The following PCDHGB4 variants were observed in gnomAD, a reference collection of about 807,000 sequenced individuals.
PCDHGB4 encodes protocadherin gamma-B4.
In PCDHGB4, 38 loss-of-function variants were observed where a neutral mutation model predicts 60.5. The ratio of observed to expected loss-of-function variants is 0.63; its 90% CI spans 0.48 to 0.82. The LOEUF (loss-of-function observed/expected upper bound fraction) is 0.82, where lower values mean the gene tolerates loss of function less well. Among genes scored for constraint, PCDHGB4 ranks in the 40% least tolerant of loss-of-function variants. The pLI, the probability that PCDHGB4 is intolerant of heterozygous loss-of-function variation, is 0.00. For missense variants in PCDHGB4, 1,109 were observed against 1,209.6 expected (o/e 0.92, Z 1.23); for synonymous variants, 456 against 509.7 (o/e 0.89, Z 1.42).
chr5:141,400,050 T>C (rs2093950243), intron 1 of PCDHGB4: 2 of 1,613,616 alleles, frequency 1.2e-6, no homozygotes, highest in Non-Finnish European at 1.7e-6. Flanking sequence ...TGCTGGTTGC[T>C]GTGCGTGATG....
intron 1 of PCDHGB4, chr5:141,399,868 G>A (rs1410554488): frequency 6.2e-7 from 1 of 1,612,710 alleles, no homozygotes; most frequent in African/African-American, 1.3e-5. Flanking sequence ...TGCAGAGCCC[G>A]GCTACCTGGT....
intron 1 of PCDHGB4, among the ~76,000 whole-genome samples, chr5:141,460,252 A>T (rs1342135416): frequency 6.6e-6 from 1 of 151,974 alleles, no homozygotes; most frequent in African/African-American, 2.4e-5. Flanking sequence ...AATTTTGATA[A>T]AGCCCAATTT....
intron 1 of PCDHGB4, chr5:141,409,042 C>A: frequency 5.0e-6 from 8 of 1,614,034 alleles, no homozygotes; most frequent in Middle Eastern, 1.6e-4. Context: ...TAAACTACTA[C>A]TTCCGAAGCA....
intron 1 of PCDHGB4, chr5:141,428,516 G>A (rs763205471): frequency 3.6e-6 from 1 of 281,256 alleles, no homozygotes; most frequent in Non-Finnish European, 7.0e-6. Context: ...TCTAGAAAAA[G>A]AAGATTTAAT....
chr5:141,433,067 T>C, intron 1 of PCDHGB4: 3 of 1,614,144 alleles, frequency 1.9e-6, no homozygotes, highest in Non-Finnish European at 2.5e-6. Context: ...TCACCTGATC[T>C]TCCCCCAGCC....
intron 1 of PCDHGB4, chr5:141,408,865 A>G (rs765751172): frequency 6.2e-7 from 1 of 1,613,684 alleles, no homozygotes. Context: ...GGGACCCACC[A>G]AGAAGTGCCA....
At position 141,486,813 on chromosome 5, in the gene PCDHGB4, G is replaced by A; in HGVS notation, c.2398-7994G>A. On this transcript the variant is annotated intron_variant, in intron 1 of 3. Transcript: ENST00000519479. The surrounding 1 kb of genome is among the most constrained non-coding windows in gnomAD (Gnocchi z 5.0). ...GATCGGGGCAACCCACCCCTTAGCA[G>A]CACTGTAACAGTTCGTCTATTTGTG... The A allele has an allele frequency of 6.2e-7, 1 of 1,614,212 alleles. No individual in the cohort carries two copies.
intron 1 of PCDHGB4, chr5:141,393,283 C>T (rs2150516449): frequency 6.2e-7 from 1 of 1,613,988 alleles, no homozygotes; most frequent in Middle Eastern, 1.6e-4. Flanking sequence ...CTCCCAGAAG[C>T]TGTTGACCCG....
intron 1 of PCDHGB4, chr5:141,478,188 C>T (rs770414950): frequency 4.3e-6 from 7 of 1,613,920 alleles, no homozygotes; most frequent in Non-Finnish European, 5.9e-6. Flanking sequence ...AAAAATCTCA[C>T]CTTTTATCTA....
At chr5:141,413,677 G>C (rs539552615) in intron 1 of PCDHGB4, 1 of 1,613,794 alleles carries the variant, frequency 6.2e-7, no homozygotes, top group South Asian at 1.1e-5. Context: ...GGATGTGGGC[G>C]TGAACTCCCT....
chr5:141,412,975 C>G (rs1221821871), intron 1 of PCDHGB4: 3 of 532,642 alleles, frequency 5.6e-6, no homozygotes, highest in Non-Finnish European at 9.7e-6. Flanking sequence ...AGAGAAAACG[C>G]AGCCAGAGCT....
rs1252752587 is a variant in PCDHGB4 at position 141,390,099 on chromosome 5, C to T, written c.2215C>T (p.Pro739Ser). Residue 739 changes from proline (P) to serine (S), a missense_variant, in exon 1 of 4, where the codon CCC (proline) becomes TCC (serine). Physicochemically the swap from Pro to Ser is moderately conservative, Grantham distance 74. Coordinates refer to ENST00000519479, the MANE Select transcript of PCDHGB4 (RefSeq NM_003736.4). Reference protein sequence around the residue: ...LCVKSESVVPPNYSEGTLPYS... With the variant: ...LCVKSESVVPSNYSEGTLPYS... ...TGTTAAATCCGAATCCGTGGTTCCC[C>T]CCAACTACAGCGAGGGGACTTTGCC... The T allele has an allele frequency of 1.2e-6, 2 of 1,614,052 alleles. No homozygotes were observed. The highest frequency in any genetic ancestry group is 3.3e-5 in the Admixed American group (2 of 60,030).
In PCDHGB4 at chr5:141,431,501, C is replaced by G; in HGVS notation, c.2397+41220C>G. On this transcript the variant is annotated intron_variant, in intron 1 of 3. Coordinates refer to ENST00000519479, the MANE Select transcript of PCDHGB4 (RefSeq NM_003736.4). This position sits in a 1 kb window ranked among gnomAD's most constrained non-coding sequence, Gnocchi z 4.8. ...ACCAGCGTTTGCTCAGCCCGAGTAC[C>G]GCGCGAGCGTTCCGGAGAATCTGGC... is the stretch of plus-strand genomic sequence containing the variant. 1 of 1,614,010 alleles carries G rather than the reference C, an allele frequency of 6.2e-7. No homozygotes were observed. The highest frequency in any genetic ancestry group is 8.5e-7 in the Non-Finnish European group (1 of 1,180,034).
intron 1 of PCDHGB4, among the ~76,000 whole-genome samples, chr5:141,429,629 C>G (rs2097230011): frequency 1.3e-5 from 2 of 152,160 alleles, no homozygotes; most frequent in Admixed American, 1.3e-4. Flanking sequence ...TATTTTCTCA[C>G]AGCTACCTAT....
At chr5:141,408,645 C>T (rs763904747) in intron 1 of PCDHGB4, 10 of 1,613,890 alleles carry the variant, frequency 6.2e-6, no homozygotes, top group Non-Finnish European at 8.5e-6. Flanking sequence ...TCTGCATCCG[C>T]TGGTACACGA....
At chr5:141,413,338 G>A in intron 1 of PCDHGB4, 1 of 1,613,980 alleles carries the variant, frequency 6.2e-7, no homozygotes, top group African/African-American at 1.3e-5. Context: ...CATCTCCAAG[G>A]ACTTGGGTCT....
At chr5:141,407,621 T>C (rs993791058) in intron 1 of PCDHGB4, among the ~76,000 whole-genome samples, 1 of 152,202 alleles carries the variant, frequency 6.6e-6, no homozygotes, top group African/African-American at 2.4e-5. Flanking sequence ...GTTGACATTC[T>C]ATATCTCGTA....
intron 1 of PCDHGB4, among the ~76,000 whole-genome samples, chr5:141,480,875 T>C (rs1285607270): frequency 6.6e-6 from 1 of 152,062 alleles, no homozygotes; most frequent in African/African-American, 2.4e-5. Context: ...TGAAACCCCG[T>C]CTCTACTAAA....
chr5:141,393,543 C>T lies in PCDHGB4; in HGVS notation c.2397+3262C>T, dbSNP rs763455922. On this transcript the variant is annotated intron_variant, in intron 1 of 3. Coordinates refer to ENST00000519479, the MANE Select transcript of PCDHGB4 (RefSeq NM_003736.4). ...AAATGACAATGCCCCGGTTTTTCCT[C>T]ACCCGATTTACCGAGTGAAAGTCCT... is the stretch of plus-strand genomic sequence containing the variant. 7 of 1,613,870 alleles carry T rather than the reference C, an allele frequency of 4.3e-6. No individual in the cohort carries two copies. In the Admixed American group the frequency reaches 8.3e-5, roughly 19 times the overall value.
Sources: allele counts gnomAD v4.1 joint callset (sites outside exome capture counted in the v4.1 genomes callset), GRCh38; gene constraint gnomAD v4.1.1; non-coding constraint Gnocchi (gnomAD v3.1); transcripts MANE v1.5; gene names NCBI Gene and HGNC (gene_info 2026-07-23, HGNC 2026-07-21).